CSMD1: variants seen among roughly 807,000 people sequenced by gnomAD.
CSMD1 encodes CUB and sushi domain-containing protein 1.
In CSMD1, 213 loss-of-function variants were observed where a neutral mutation model predicts 417.5. That is an observed-to-expected ratio of 0.51 (90% CI 0.46 to 0.57). CSMD1 has a LOEUF of 0.57. Among genes scored for constraint, CSMD1 ranks in the 20% least tolerant of loss-of-function variants. CSMD1 has a pLI of 0.00. For missense variants in CSMD1, 6,923 were observed against 4,529.7 expected, an observed-to-expected ratio of 1.53 and a Z score of -15.17; for synonymous variants, 2,862 against 1,736.8, an observed-to-expected ratio of 1.65 and a Z score of -16.11.
chr8:4,781,032 C>T (rs17432254), intron 1 of CSMD1, among the ~76,000 whole-genome samples: 5 of 152,138 alleles, frequency 3.3e-5, no homozygotes, highest in African/African-American at 7.2e-5. Context: ...CTGCAAATAG[C>T]TTTTCCTGCT....
At chr8:3,913,041 C>T (rs547182994) in intron 5 of CSMD1, among the ~76,000 whole-genome samples, 2 of 152,110 alleles carry the variant, frequency 1.3e-5, no homozygotes, top group Admixed American at 6.5e-5. Context: ...AGAATCGTGA[C>T]TTTAGCAGCA....
intron 1 of CSMD1, among the ~76,000 whole-genome samples, chr8:4,970,054 G>A (rs561409378): frequency 2.6e-5 from 4 of 152,122 alleles, no homozygotes; most frequent in African/African-American, 9.6e-5. Context: ...TCCAATAATA[G>A]CACACAGAAA....
intron 6 of CSMD1, among the ~76,000 whole-genome samples, chr8:3,743,324 CAACA>C (rs1377336385): frequency 1.3e-5 from 2 of 152,304 alleles, no homozygotes; most frequent in East Asian, 1.9e-4. Flanking sequence ...ATGCTGGAAG[CAACA>C]AACAACTTGC....
chr8:4,350,317 G>C (rs985114938), intron 3 of CSMD1, among the ~76,000 whole-genome samples: 1 of 152,126 alleles, frequency 6.6e-6, no homozygotes, highest in African/African-American at 2.4e-5. Flanking sequence ...GGTCTAACAG[G>C]CTGACACACC....
At chr8:4,927,592 G>A (rs193290903) in intron 1 of CSMD1, among the ~76,000 whole-genome samples, 8 of 152,244 alleles carry the variant, frequency 5.3e-5, no homozygotes, top group Admixed American at 2.0e-4. Context: ...AGTTCTTAGA[G>A]GTTCTTCATG....
chr8:3,104,545 A>G (rs1815989186), intron 46 of CSMD1, among the ~76,000 whole-genome samples: 1 of 152,132 alleles, frequency 6.6e-6, no homozygotes, highest in South Asian at 2.1e-4. Flanking sequence ...ATTTTTTCAA[A>G]AAAAAAATCT....
At chr8:4,890,456 G>T (rs192438407) in intron 1 of CSMD1, among the ~76,000 whole-genome samples, 2 of 147,804 alleles carry the variant, frequency 1.4e-5, no homozygotes, top group South Asian at 4.3e-4. Flanking sequence ...GTGAGAACGT[G>T]ACTCTGACAC....
intron 3 of CSMD1, among the ~76,000 whole-genome samples, chr8:4,105,736 G>A (rs1460827499): frequency 1.3e-5 from 2 of 152,184 alleles, no homozygotes; most frequent in Non-Finnish European, 1.5e-5. Context: ...ACAGCTTTCT[G>A]GATCGTAGTA....
chr8:3,723,232 C>A (rs1188103666), intron 6 of CSMD1, among the ~76,000 whole-genome samples: 1 of 152,112 alleles, frequency 6.6e-6, no homozygotes, highest in Non-Finnish European at 1.5e-5. Context: ...TGCCTTGTGA[C>A]CCATCCATCA....
chr8:3,749,358 T>C (rs1159746919), intron 6 of CSMD1, among the ~76,000 whole-genome samples: 7 of 152,232 alleles, frequency 4.6e-5, no homozygotes, highest in Non-Finnish European at 8.8e-5. Context: ...CACAATGTCA[T>C]TTTAAAAGTG....
intron 5 of CSMD1, among the ~76,000 whole-genome samples, chr8:3,957,999 T>C (rs1007428922): frequency 6.6e-6 from 1 of 152,166 alleles, no homozygotes; most frequent in African/African-American, 2.4e-5. Context: ...CTTAACGTTC[T>C]AGATTAAACC....
chr8:3,158,214 A>G (rs1000802416), intron 38 of CSMD1, among the ~76,000 whole-genome samples: 2 of 152,222 alleles, frequency 1.3e-5, no homozygotes, highest in African/African-American at 4.8e-5. Context: ...CCTTTTGACC[A>G]GACCATAATT....
intron 3 of CSMD1, among the ~76,000 whole-genome samples, chr8:4,404,619 C>G (rs556091455): frequency 6.6e-6 from 1 of 151,832 alleles, no homozygotes; most frequent in African/African-American, 2.4e-5. Flanking sequence ...TTCTTTTGCA[C>G]CAACCTAAGT....
chr8:3,472,221 G>T (rs1226725119), intron 11 of CSMD1, among the ~76,000 whole-genome samples: 1 of 151,980 alleles, frequency 6.6e-6, no homozygotes, highest in East Asian at 1.9e-4. Flanking sequence ...CAAGGTGCAA[G>T]GTATGAAATC....
At chr8:3,366,268 G>C (rs1190097373) in intron 20 of CSMD1, among the ~76,000 whole-genome samples, 1 of 152,168 alleles carries the variant, frequency 6.6e-6, no homozygotes, top group Non-Finnish European at 1.5e-5. Flanking sequence ...TGGAAATGAA[G>C]ACACTGCAGA....
intron 3 of CSMD1, among the ~76,000 whole-genome samples, chr8:4,076,660 T>G (rs570121425): frequency 6.6e-6 from 1 of 152,222 alleles, no homozygotes; most frequent in Non-Finnish European, 1.5e-5. Context: ...AACAAGGCCT[T>G]ATGCATCGTG....
intron 3 of CSMD1, among the ~76,000 whole-genome samples, chr8:4,156,662 T>G (rs1272267981): frequency 1.3e-5 from 2 of 152,146 alleles, no homozygotes; most frequent in African/African-American, 4.8e-5. Flanking sequence ...CCCATCTGCT[T>G]GTGATTTAAG....
At chr8:2,967,068 T>C (rs1804032227) in intron 57 of CSMD1, among the ~76,000 whole-genome samples, 1 of 152,220 alleles carries the variant, frequency 6.6e-6, no homozygotes, top group Non-Finnish European at 1.5e-5. Context: ...AGCCTTGCTA[T>C]TTGGGGATTG....
At chr8:4,865,854 AT>A (rs1291575786) in intron 1 of CSMD1, among the ~76,000 whole-genome samples, 2 of 151,760 alleles carry the variant, frequency 1.3e-5, no homozygotes, top group Non-Finnish European at 2.9e-5. Flanking sequence ...TTTGGGACCT[AT>A]TTTTTCCATT....
Sources: allele counts gnomAD v4.1 joint callset (sites outside exome capture counted in the v4.1 genomes callset), GRCh38; gene constraint gnomAD v4.1.1; transcripts MANE v1.5; gene names NCBI Gene and HGNC (gene_info 2026-07-23, HGNC 2026-07-21).